ADAMTS9: variants seen among roughly 807,000 people sequenced by gnomAD.
ADAMTS9 encodes ADAM metallopeptidase with thrombospondin type 1 motif 9.
A neutral mutation model predicts 257.1 loss-of-function variants in ADAMTS9; 107 were observed. The observed-to-expected ratio is 0.42, with a 90% CI of 0.36 to 0.49. ADAMTS9 has a LOEUF of 0.49. Ranked by LOEUF, ADAMTS9 falls within the 20% of genes least tolerant of loss-of-function variation. The probability of loss-of-function intolerance (pLI) is 0.03; values close to 1 mark genes in which losing one functional copy is unlikely to be tolerated. For synonymous variants in ADAMTS9, 982 were observed against 880.9 expected, an observed-to-expected ratio of 1.11 and a Z score of -2.03; for missense variants, 2,353 against 2,469.1, an observed-to-expected ratio of 0.95 and a Z score of 1.00.
At chr3:64,569,550 A>T (rs888878265) in intron 28 of ADAMTS9, among the ~76,000 whole-genome samples, 8 of 152,230 alleles carry the variant, frequency 5.3e-5, no homozygotes, top group African/African-American at 1.9e-4. Context: ...TAAATTACCA[A>T]CATGCCCTTT....
In ADAMTS9 at chr3:64,647,990, G is replaced by A. The variant is rs529573262; in HGVS notation, c.1660C>T (p.Arg554Trp). ...TCGGCCCAGGGTGTGTGCTGAGTCC[G>A]GCAGCCTTTGTGTACTCCATTGACG... ...NNVNGVHKGCRTQHTPWADGT... is the reference protein window; with the variant it reads ...NNVNGVHKGCWTQHTPWADGT... Residue 554 changes from arginine (R) to tryptophan (W), a missense_variant, in exon 11 of 40, where the codon CGG becomes TGG. By Grantham distance (101) the Arg-to-Trp change is moderately radical. Around this residue, in one of 3 missense-constraint regions of ADAMTS9, gnomAD observed 360 missense variants for 458.1 expected, o/e 0.79. Transcript: ENST00000498707. 6.2e-6 allele frequency: 10 copies of A among 1,613,728 alleles called. No individual in the cohort carries two copies. Among genetic ancestry groups the A allele is most frequent in the South Asian group, 4.4e-5 (4 of 91,068 alleles).
At chr3:64,607,112 T>A in intron 22 of ADAMTS9, 33 bp from the exon 23 acceptor site, 1 of 1,607,630 alleles carries the variant, frequency 6.2e-7, no homozygotes, top group East Asian at 2.2e-5. Context: ...TATATACAAT[T>A]CAGCAAATCT....
At chr3:64,681,460 T>C in intron 2 of ADAMTS9, 97 bp from the exon 3 acceptor site, 1 of 1,303,470 alleles carries the variant, frequency 7.7e-7, no homozygotes, top group Non-Finnish European at 1.0e-6. Context: ...TGGTGTCATT[T>C]TACCCAATCT....
intron 28 of ADAMTS9, chr3:64,583,838 G>C (rs1290636597): frequency 6.6e-6 from 1 of 152,172 alleles, no homozygotes; most frequent in Non-Finnish European, 1.5e-5. Context: ...AATGAAGTCA[G>C]GGGCTCCAGC....
intron 28 of ADAMTS9, among the ~76,000 whole-genome samples, chr3:64,580,449 T>G (rs941543231): frequency 2.0e-5 from 3 of 152,192 alleles, no homozygotes; most frequent in Non-Finnish European, 4.4e-5. Flanking sequence ...CCACGAAGTC[T>G]AACTCTTATG....
chr3:64,552,930 C>G (rs1191928014), intron 30 of ADAMTS9, among the ~76,000 whole-genome samples: 2 of 152,104 alleles, frequency 1.3e-5, no homozygotes, highest in East Asian at 1.9e-4. Context: ...TCTTTTTCAT[C>G]TAATGGGCAG....
chr3:64,657,030 T>A (rs879703333), intron 4 of ADAMTS9, among the ~76,000 whole-genome samples: 1 of 152,106 alleles, frequency 6.6e-6, no homozygotes, highest in Non-Finnish European at 1.5e-5. Flanking sequence ...TGGACCCATC[T>A]CGAATCGTTC....
chr3:64,531,170 C>T (rs758116968), intron 38 of ADAMTS9, among the ~76,000 whole-genome samples: 1 of 151,916 alleles, frequency 6.6e-6, no homozygotes, highest in Non-Finnish European at 1.5e-5. Flanking sequence ...CTTTTTTTCA[C>T]AGACACAAAC....
chr3:64,528,006 G>A (rs902459997), intron 38 of ADAMTS9, among the ~76,000 whole-genome samples: 10 of 152,110 alleles, frequency 6.6e-5, no homozygotes, highest in African/African-American at 1.9e-4. Context: ...CACAACTTTC[G>A]TTATTTTTTA....
chr3:64,630,746 C>T (rs537165394), intron 16 of ADAMTS9, among the ~76,000 whole-genome samples: 26 of 152,090 alleles, frequency 1.7e-4, no homozygotes, highest in African/African-American at 5.5e-4. Flanking sequence ...GTAACAAACC[C>T]GCACATCTTG....
rs549356339 is a variant in ADAMTS9 at position 64,621,029 on chromosome 3, T to C, written c.2813+85A>G. On this transcript the variant is annotated intron_variant, in intron 19 of 39. Transcript: ENST00000498707. ...AAGAAAGGGGAACTAAAGACCAGCA[T>C]CCCCTCCTTTTGCTTCTCCTGCTGG... The C allele has an allele frequency of 4.7e-6, 7 of 1,488,362 alleles. No individual in the cohort carries two copies. In the African/African-American group the frequency reaches 9.8e-5, roughly 21 times the overall value. 92.2% of individuals were successfully genotyped at this position (1,488,362 alleles called of 1,614,324 possible).
intron 28 of ADAMTS9, among the ~76,000 whole-genome samples, chr3:64,575,890 T>C (rs1054060673): frequency 2.0e-5 from 3 of 152,332 alleles, no homozygotes; most frequent in East Asian, 3.9e-4. Flanking sequence ...TGGACCCTTT[T>C]AGAATATCTC....
chr3:64,578,159 C>T (rs769208682), intron 28 of ADAMTS9, among the ~76,000 whole-genome samples: 7 of 152,134 alleles, frequency 4.6e-5, no homozygotes, highest in Non-Finnish European at 7.3e-5. Flanking sequence ...TAACCATTAT[C>T]AAATTAGATG....
At chr3:64,548,550 T>G (rs1172106606) in intron 31 of ADAMTS9, among the ~76,000 whole-genome samples, 1 of 151,764 alleles carries the variant, frequency 6.6e-6, no homozygotes, top group Non-Finnish European at 1.5e-5. Flanking sequence ...ATGAGACTCT[T>G]GACCCCTACA....
intron 12 of ADAMTS9, 93 bp from the exon 13 acceptor site, chr3:64,633,972 A>G: frequency 8.2e-7 from 1 of 1,226,786 alleles, no homozygotes; most frequent in South Asian, 1.5e-5. Flanking sequence ...TGTCTTCTAG[A>G]GAAGTAAATC....
At chr3:64,615,515 G>C (rs770414321) in intron 20 of ADAMTS9, 30 bp from the exon 21 acceptor site, 23 of 1,576,676 alleles carry the variant, frequency 1.5e-5, no homozygotes, top group Non-Finnish European at 2.0e-5. Context: ...AAATAAAACT[G>C]TTGCTAAGTT....
At position 64,561,768 on chromosome 3, in the gene ADAMTS9, C is replaced by T. The variant is rs2083427898; in HGVS notation, c.4525-17G>A. The T allele has an allele frequency of 3.0e-6, 4 of 1,322,770 alleles. No individual in the cohort carries two copies. The highest frequency in any genetic ancestry group is 2.6e-5 in the South Asian group (2 of 77,114). The allele number at this position is 1,322,770 out of a possible 1,614,324, so 81.9% of individuals were successfully genotyped here. A position where few individuals can be genotyped will look rare whatever the true frequency, so the allele number is the denominator to read the frequency against. On this transcript the variant is annotated splice_polypyrimidine_tract_variant and intron_variant, in intron 29 of 39. Transcript: ENST00000498707. ...CACAGAGCACTAAGAAGACAGAGAA[C>T]GTAAGTGGGAGCTTCGGCTCATTTA...
intron 3 of ADAMTS9, among the ~76,000 whole-genome samples, chr3:64,675,704 A>G (rs1701608429): frequency 6.6e-6 from 1 of 152,194 alleles, no homozygotes; most frequent in African/African-American, 2.4e-5. Flanking sequence ...AGTATAGCAC[A>G]TTGGAAATAG....
chr3:64,593,280 T>C (rs2084295673), intron 28 of ADAMTS9, among the ~76,000 whole-genome samples: 1 of 152,188 alleles, frequency 6.6e-6, no homozygotes, highest in Non-Finnish European at 1.5e-5. Context: ...TCAACAGGTA[T>C]TAACCATGTC....
Sources: gnomAD v4.1 joint callset for allele counts (sites outside exome capture counted in the v4.1 genomes callset) on GRCh38, gnomAD v4.1.1 for gene constraint, gnomAD v4.1.1 regional missense constraint, MANE v1.5 for transcripts, NCBI Gene and HGNC (gene_info 2026-07-23, HGNC 2026-07-21) for gene names.